UBAP1L: variants seen among roughly 807,000 people sequenced by gnomAD.
The protein encoded by UBAP1L is ubiquitin-associated protein 1-like.
A neutral mutation model predicts 32.1 loss-of-function variants in UBAP1L; 32 were observed. That is an observed-to-expected ratio of 1.00 (90% CI 0.75 to 1.34). The LOEUF is 1.34. UBAP1L is among the 40% of genes most tolerant of loss of function. The pLI is 0.00. For synonymous variants in UBAP1L, 243 were observed against 250.2 expected (o/e 0.97, Z 0.27); for missense variants, 516 against 540.5 (o/e 0.95, Z 0.45).
In UBAP1L at chr15:65,106,309, C is replaced by G; in HGVS notation, c.-94G>C. The G allele has an allele frequency of 7.5e-7, 1 of 1,330,738 alleles. No homozygotes were observed. The highest frequency in any genetic ancestry group is 9.7e-7 in the Non-Finnish European group (1 of 1,034,456). The allele number at this position is 1,330,738 out of a possible 1,614,324, so 82.4% of individuals were successfully genotyped here. On this transcript the variant is annotated 5_prime_UTR_variant, in exon 2 of 6. Transcript: ENST00000559089. Reference sequence around the variant, plus strand: ...AGTCCTGAGGACCAGGCTCAGGCCTCAAATGGCCTCACTGCTCTCCTGTGT... The same window carrying G: ...AGTCCTGAGGACCAGGCTCAGGCCTGAAATGGCCTCACTGCTCTCCTGTGT...
chr15:65,106,228 G>T lies in UBAP1L; in HGVS notation c.-13C>A. Reference sequence around the variant, plus strand: ...CGAGGGCATTCATTCTGTCAGGAGTGTGGAGATGGCTGGCAGGGCTGGGGC... The same window carrying T: ...CGAGGGCATTCATTCTGTCAGGAGTTTGGAGATGGCTGGCAGGGCTGGGGC... On this transcript the variant is annotated 5_prime_UTR_variant, in exon 2 of 6. Coordinates refer to ENST00000559089, the MANE Select transcript of UBAP1L (RefSeq NM_001163692.2). 3.9e-6 allele frequency: 6 copies of T among 1,528,112 alleles called. No individual in the cohort carries two copies. Among genetic ancestry groups the T allele is most frequent in the Non-Finnish European group, 5.3e-6 (6 of 1,138,444 alleles). The allele number at this position is 1,528,112 out of a possible 1,614,324, so 94.7% of individuals were successfully genotyped here.
chr15:65,110,600 G>T (rs1179935232), intron 1 of UBAP1L, among the ~76,000 whole-genome samples: 1 of 149,050 alleles, frequency 6.7e-6, no homozygotes, highest in Non-Finnish European at 1.5e-5. Flanking sequence ...CAGGAGAATT[G>T]CTTGAACCCA....
chr15:65,109,210 C>T (rs1223369600), intron 1 of UBAP1L, among the ~76,000 whole-genome samples: 1 of 141,878 alleles, frequency 7.0e-6, no homozygotes, highest in Non-Finnish European at 1.5e-5. Flanking sequence ...TTTGGCCGGG[C>T]GTGGTGGCTC....
chr15:65,111,334 A>C (rs1243165132), intron 1 of UBAP1L, among the ~76,000 whole-genome samples: 1 of 152,200 alleles, frequency 6.6e-6, no homozygotes, highest in Admixed American at 6.5e-5. Flanking sequence ...TCTCCAAGGA[A>C]GGGACACAGT....
chr15:65,101,941 G>A (rs1241365779), intron 3 of UBAP1L, among the ~76,000 whole-genome samples, 165 bp downstream of exon 3: 4 of 152,194 alleles, frequency 2.6e-5, no homozygotes, highest in Admixed American at 2.6e-4. Context: ...TCTAGTCAAA[G>A]GGCCGCAGGA....
rs75868539 is a variant in UBAP1L at position 65,092,881 on chromosome 15, G to A, written c.*216C>T. ...GCATGCATGAAGAACATAGCTCCCC[G>A]TCCGGCTCTCCCATCTGCCCCTCTG... On this transcript the variant is annotated 3_prime_UTR_variant, in exon 6 of 6. Coordinates refer to ENST00000559089, the MANE Select transcript of UBAP1L (RefSeq NM_001163692.2). 12 of 615,988 alleles carry A rather than the reference G, an allele frequency of 1.9e-5. No individual in the cohort carries two copies. Among genetic ancestry groups the A allele is most frequent in the African/African-American group, 7.5e-5 (4 of 53,568 alleles). 38.2% of individuals were successfully genotyped at this position (615,988 alleles called of 1,614,324 possible).
intron 1 of UBAP1L, among the ~76,000 whole-genome samples, chr15:65,110,062 T>TA (rs1247886084): frequency 2.0e-5 from 3 of 152,274 alleles, no homozygotes; most frequent in Admixed American, 6.5e-5. Context: ...CTGTTGCCTT[T>TA]AAAAAAGAAC....
At chr15:65,100,290 G>A (rs1426094711) in intron 3 of UBAP1L, 3 of 151,832 alleles carry the variant, frequency 2.0e-5, no homozygotes, top group Admixed American at 2.0e-4. Context: ...AGTGACTAGT[G>A]AAAGAAATAT....
intron 2 of UBAP1L, chr15:65,105,799 A>G: frequency 2.8e-6 from 2 of 708,464 alleles, no homozygotes; most frequent in Non-Finnish European, 5.2e-6. Context: ...AAGAGTGCTG[A>G]ATTTGTTTTT....
intron 3 of UBAP1L, 58 bp from the exon 4 acceptor site, chr15:65,099,772 C>G (rs548346290): frequency 1.4e-6 from 2 of 1,453,816 alleles, no homozygotes; most frequent in Non-Finnish European, 1.9e-6. Flanking sequence ...CTCAGTTGGG[C>G]TGGACATTTT....
In UBAP1L at chr15:65,106,188, TGAAAG is replaced by T; in HGVS notation, c.23_27del (p.Pro8GlnfsTer58). 1 of 1,548,994 alleles carries T rather than the reference TGAAAG, an allele frequency of 6.5e-7. No individual in the cohort carries two copies. Among genetic ancestry groups the T allele is most frequent in the Non-Finnish European group, 8.7e-7 (1 of 1,146,284 alleles). Reference sequence around the variant, plus strand: ...CCTATCACAAAGCCCTTGGGCAACTTGAAAGGAACACCATCGAGGGCATTCATTCT... The same window carrying T: ...CCTATCACAAAGCCCTTGGGCAACTTGAACACCATCGAGGGCATTCATTCT... On this transcript the variant is annotated frameshift_variant, in exon 2 of 6. Coordinates refer to ENST00000559089, the MANE Select transcript of UBAP1L (RefSeq NM_001163692.2). LOFTEE classifies it high-confidence loss of function.
chr15:65,102,094 C>G lies in UBAP1L; in HGVS notation c.699+12G>C, dbSNP rs1403412501. On this transcript the variant is annotated intron_variant, in intron 3 of 5. Coordinates refer to ENST00000559089, the MANE Select transcript of UBAP1L (RefSeq NM_001163692.2). This position sits in a 1 kb window ranked among gnomAD's most constrained non-coding sequence, Gnocchi z 5.0. The stretch of plus-strand genomic sequence containing the variant: ...TGATTGGCGGCCTTGGAGGGGCGGG[C>G]AGAATCCTTACCGCGACCGTAGGCT... 4.2e-6 allele frequency: 5 copies of G among 1,183,394 alleles called. No homozygotes were observed. In the South Asian group the frequency reaches 1.7e-4, roughly 40 times the overall value. 73.3% of individuals were successfully genotyped at this position (1,183,394 alleles called of 1,614,324 possible).
intron 1 of UBAP1L, among the ~76,000 whole-genome samples, chr15:65,112,439 G>A (rs2087374627): frequency 6.6e-6 from 1 of 152,120 alleles, no homozygotes; most frequent in African/African-American, 2.4e-5. Flanking sequence ...GTGCATGCTT[G>A]GACAAACTGT....
chr15:65,107,506 G>A (rs2087328268), intron 1 of UBAP1L, among the ~76,000 whole-genome samples: 1 of 151,950 alleles, frequency 6.6e-6, no homozygotes. Context: ...GGGAAGTCGA[G>A]GTGGGAGGAT....
chr15:65,092,880 C>A lies in UBAP1L; in HGVS notation c.*217G>T. 1 of 612,468 alleles carries A rather than the reference C, an allele frequency of 1.6e-6. No homozygotes were observed. The highest frequency in any genetic ancestry group is 2.7e-6 in the Non-Finnish European group (1 of 369,990). The allele number at this position is 612,468 out of a possible 1,614,324, so 37.9% of individuals were successfully genotyped here. A position where few individuals can be genotyped will look rare whatever the true frequency, so the allele number is the denominator to read the frequency against. On this transcript the variant is annotated 3_prime_UTR_variant, in exon 6 of 6. Coordinates refer to ENST00000559089, the MANE Select transcript of UBAP1L (RefSeq NM_001163692.2). ...GGCATGCATGAAGAACATAGCTCCC[C>A]GTCCGGCTCTCCCATCTGCCCCTCT... is the stretch of plus-strand genomic sequence containing the variant.
chr15:65,112,507 G>A (rs1227773588), intron 1 of UBAP1L, among the ~76,000 whole-genome samples: 1 of 152,122 alleles, frequency 6.6e-6, no homozygotes, highest in African/African-American at 2.4e-5. Flanking sequence ...TTGGATCTGG[G>A]CATGGGGATG....
In UBAP1L at chr15:65,094,850, T is replaced by C; in HGVS notation, c.910-274A>G. On this transcript the variant is annotated intron_variant, in intron 4 of 5. Coordinates refer to ENST00000559089, the MANE Select transcript of UBAP1L (RefSeq NM_001163692.2). This position sits in a 1 kb window ranked among gnomAD's most constrained non-coding sequence, Gnocchi z 4.2. ...GGGCTGTCAGGGTGGGCTAGGGTGT[T>C]CATAGAACCTAGGTGGGGAGCAGGA... The C allele has an allele frequency of 4.0e-6, 2 of 501,836 alleles. No individual in the cohort carries two copies. The allele number at this position is 501,836 out of a possible 1,614,324, so 31.1% of individuals were successfully genotyped here.
At chr15:65,108,564 G>A (rs1217664269) in intron 1 of UBAP1L, among the ~76,000 whole-genome samples, 10 of 151,884 alleles carry the variant, frequency 6.6e-5, no homozygotes, top group Admixed American at 6.6e-4. Context: ...GGGCAACAAA[G>A]CAAGACCCCT....
In UBAP1L at chr15:65,096,344, C is replaced by T. The variant is rs1282891283; in HGVS notation, c.910-1768G>A. The T allele has an allele frequency of 2.0e-5, 3 of 152,356 alleles. No homozygotes were observed. The South Asian group carries it at 6.2e-4, about 32-fold the overall frequency. The allele number at this position is 152,356 out of a possible 1,614,324, so 9.4% of individuals were successfully genotyped here. A position where few individuals can be genotyped will look rare whatever the true frequency, so the allele number is the denominator to read the frequency against. On this transcript the variant is annotated intron_variant, in intron 4 of 5. Coordinates refer to ENST00000559089, the MANE Select transcript of UBAP1L (RefSeq NM_001163692.2). ...CATTGGAATTTTTCCCTATAGCCCT[C>T]CAGGTGATTCTAATGTGCACCCAAG...
Sources: gnomAD v4.1 joint callset for allele counts (sites outside exome capture counted in the v4.1 genomes callset) on GRCh38, gnomAD v4.1.1 for gene constraint, Gnocchi (gnomAD v3.1) non-coding constraint, MANE v1.5 for transcripts, NCBI Gene and HGNC (gene_info 2026-07-23, HGNC 2026-07-21) for gene names.